ZFAND3: variants seen among roughly 807,000 people sequenced by gnomAD.
ZFAND3 encodes zinc finger AN1-type containing 3, also known as AN1-type zinc finger protein 3.
In ZFAND3, 10 loss-of-function variants were observed where a neutral mutation model predicts 29.6. The observed-to-expected ratio is 0.34, with a 90% CI of 0.21 to 0.57. The LOEUF (loss-of-function observed/expected upper bound fraction) is 0.57. Among genes scored for constraint, ZFAND3 ranks in the 20% least tolerant of loss-of-function variants. ZFAND3 has a pLI of 0.86. For missense variants in ZFAND3, 230 were observed against 304.5 expected (o/e 0.76, Z 1.82); for synonymous variants, 128 against 112.6 (o/e 1.14, Z -0.87).
intron 2 of ZFAND3, among the ~76,000 whole-genome samples, chr6:37,959,759 A>G (rs1364767421): frequency 1.3e-5 from 2 of 152,310 alleles, no homozygotes; most frequent in East Asian, 3.9e-4. Flanking sequence ...ATTAACTTTC[A>G]TCTTCTAGAT....
rs940501533 is a variant in ZFAND3, at chr6:37,963,954, A to G, written c.112+33955A>G. ...ATGAGTCTGTTATTTTACAAATCCT[A>G]CTTTTCTGGAAGAATTGTCAACTGT... On this transcript the variant is annotated intron_variant, in intron 2 of 5. Transcript: ENST00000287218. 2.0e-5 allele frequency among the ~76,000 whole-genome samples: 3 copies of G among 152,082 alleles called. No homozygotes were observed. In the East Asian group the frequency reaches 5.8e-4, roughly 29 times the overall value.
chr6:38,103,382 TATAC>T (rs1765133929), intron 4 of ZFAND3, among the ~76,000 whole-genome samples: 2 of 147,864 alleles, frequency 1.4e-5, no homozygotes, highest in Non-Finnish European at 3.0e-5. Flanking sequence ...ACAATATATA[TATAC>T]ACACACACAT....
At chr6:37,980,830 G>T (rs912456886) in intron 2 of ZFAND3, among the ~76,000 whole-genome samples, 1 of 152,060 alleles carries the variant, frequency 6.6e-6, no homozygotes, top group Non-Finnish European at 1.5e-5. Flanking sequence ...TTCTATTACT[G>T]GATTTGTTCT....
chr6:37,825,730 A>G (rs1763747141), intron 1 of ZFAND3, among the ~76,000 whole-genome samples: 1 of 152,158 alleles, frequency 6.6e-6, no homozygotes, highest in Non-Finnish European at 1.5e-5. Context: ...TATAATCCTT[A>G]ATGGTATCAA....
chr6:38,003,962 A>G (rs1032474462), intron 2 of ZFAND3, among the ~76,000 whole-genome samples: 7 of 151,952 alleles, frequency 4.6e-5, no homozygotes, highest in African/African-American at 1.7e-4. Context: ...TGACTCTAAT[A>G]TTGTTTGAGG....
chr6:38,000,180 C>T (rs1762920623), intron 2 of ZFAND3, among the ~76,000 whole-genome samples: 1 of 152,028 alleles, frequency 6.6e-6, no homozygotes. Context: ...CTGTGATGAT[C>T]CTGAGAGGTT....
intron 5 of ZFAND3, among the ~76,000 whole-genome samples, chr6:38,126,513 C>T (rs1765637967): frequency 6.6e-6 from 1 of 152,190 alleles, no homozygotes; most frequent in South Asian, 2.1e-4. Context: ...TTCCCATTAG[C>T]AATGCATTAG....
intron 4 of ZFAND3, among the ~76,000 whole-genome samples, chr6:38,089,079 C>T (rs1764813094): frequency 6.6e-6 from 1 of 151,874 alleles, no homozygotes; most frequent in South Asian, 2.1e-4. Flanking sequence ...CTCTTTTTTC[C>T]CCCAAAAAAG....
intron 2 of ZFAND3, among the ~76,000 whole-genome samples, chr6:37,974,976 A>G (rs543486151): frequency 6.6e-6 from 1 of 152,322 alleles, no homozygotes; most frequent in Admixed American, 6.5e-5. Flanking sequence ...ATATGGATGT[A>G]TATTCCTTTG....
intron 3 of ZFAND3, among the ~76,000 whole-genome samples, chr6:38,063,246 G>A (rs903825197): frequency 1.3e-5 from 2 of 152,080 alleles, no homozygotes; most frequent in African/African-American, 4.8e-5. Context: ...TGGTAATATC[G>A]AGAATATAAA....
At chr6:37,829,744 A>G (rs1763826817) in intron 1 of ZFAND3, among the ~76,000 whole-genome samples, 1 of 152,202 alleles carries the variant, frequency 6.6e-6, no homozygotes, top group South Asian at 2.1e-4. Flanking sequence ...ATGCTGTAGC[A>G]CTTCCAATAT....
At chr6:37,883,916 C>T (rs78556012) in intron 1 of ZFAND3, among the ~76,000 whole-genome samples, 2,858 of 145,108 alleles carry the variant, frequency 0.02, 620 homozygotes, top group African/African-American at 0.074. Context: ...TCAGGAGATT[C>T]GCCAGGCCTG....
intron 2 of ZFAND3, among the ~76,000 whole-genome samples, chr6:38,060,531 CT>C (rs1764215047): frequency 6.6e-6 from 1 of 151,112 alleles, no homozygotes; most frequent in Admixed American, 6.6e-5. Context: ...TTCCCCTTCC[CT>C]TTCCCCCTCT....
At chr6:38,075,788 G>T (rs1416029949) in intron 3 of ZFAND3, among the ~76,000 whole-genome samples, 2 of 152,010 alleles carry the variant, frequency 1.3e-5, no homozygotes, top group African/African-American at 4.8e-5. Flanking sequence ...GCCTCGCTCT[G>T]TCGCCCAGCC....
intron 3 of ZFAND3, among the ~76,000 whole-genome samples, chr6:38,078,097 G>A (rs537011137): frequency 6.6e-5 from 10 of 152,306 alleles, no homozygotes; most frequent in African/African-American, 2.4e-4. Context: ...TAGGGCTGCA[G>A]TCAGTACTCT....
intron 1 of ZFAND3, among the ~76,000 whole-genome samples, chr6:37,859,162 A>G (rs1237898016): frequency 6.6e-6 from 1 of 152,222 alleles, no homozygotes; most frequent in Non-Finnish European, 1.5e-5. Context: ...CTTGAATAAG[A>G]CAACCTCTCT....
At chr6:37,973,471 T>C (rs909462189) in intron 2 of ZFAND3, among the ~76,000 whole-genome samples, 1 of 152,238 alleles carries the variant, frequency 6.6e-6, no homozygotes, top group Non-Finnish European at 1.5e-5. Flanking sequence ...ATGCAACTTT[T>C]TGTAATGATA....
At chr6:37,882,542 G>A (rs1248033167) in intron 1 of ZFAND3, among the ~76,000 whole-genome samples, 4 of 152,176 alleles carry the variant, frequency 2.6e-5, no homozygotes, top group Non-Finnish European at 5.9e-5. Context: ...CCCCCTTGGA[G>A]AAGGAAATGA....
intron 2 of ZFAND3, among the ~76,000 whole-genome samples, chr6:37,983,624 GC>G (rs1762616831): frequency 1.3e-5 from 2 of 152,120 alleles, no homozygotes; most frequent in Admixed American, 1.3e-4. Context: ...CTCCCAAAGT[GC>G]TGGGATTACA....
Sources: gnomAD v4.1 joint callset for allele counts (sites outside exome capture counted in the v4.1 genomes callset) on GRCh38, gnomAD v4.1.1 for gene constraint, MANE v1.5 for transcripts, NCBI Gene and HGNC (gene_info 2026-07-23, HGNC 2026-07-21) for gene names.